Variants in EVI5 observed in about 807,000 individuals in gnomAD.
EVI5 encodes ecotropic viral integration site 5, also known as ecotropic viral integration site 5 protein homolog.
Under a neutral mutation model 112.0 loss-of-function variants are expected in EVI5, and 73 were observed. That is an observed-to-expected ratio of 0.65 (90% CI 0.54 to 0.79). The LOEUF is 0.79. Among genes scored for constraint, EVI5 ranks in the 30% least tolerant of loss-of-function variants. The pLI is 0.00. For synonymous variants in EVI5, 305 were observed against 319.9 expected, an observed-to-expected ratio of 0.95 and a Z score of 0.50; for missense variants, 900 against 968.8, an observed-to-expected ratio of 0.93 and a Z score of 0.94.
At chr1:92,637,703 C>T (rs1033344734) in intron 13 of EVI5, among the ~76,000 whole-genome samples, 3 of 152,148 alleles carry the variant, frequency 2.0e-5, no homozygotes, top group Non-Finnish European at 4.4e-5. Flanking sequence ...AAACAATCTT[C>T]TACTGAACTA....
intron 1 of EVI5, 76 bp downstream of exon 1, chr1:92,784,760 G>A (rs1454878477): frequency 5.2e-6 from 5 of 953,594 alleles, no homozygotes; most frequent in Non-Finnish European, 6.2e-6. Flanking sequence ...CCTCGGCCCA[G>A]CTGTGCGCCA....
At chr1:92,672,871 T>C (rs932662974) in intron 10 of EVI5, among the ~76,000 whole-genome samples, 7 of 152,180 alleles carry the variant, frequency 4.6e-5, no homozygotes, top group African/African-American at 1.4e-4. Context: ...AAAGTCTCTC[T>C]TGGAAAGCAG....
intron 9 of EVI5, among the ~76,000 whole-genome samples, chr1:92,689,683 T>C (rs1311822670): frequency 6.6e-6 from 1 of 152,130 alleles, no homozygotes; most frequent in Admixed American, 6.5e-5. Flanking sequence ...TAAGAACTCT[T>C]ACACTGCCGG....
rs531868765 is a variant in EVI5 at position 92,637,633 on chromosome 1, C to A, written c.1393-1297G>T. ...CTAAAATAAATTGTCTATCACTTCA[C>A]ATTTAATTTATGTAGTAAAGAAAAT... On this transcript the variant is annotated intron_variant, in intron 13 of 19. Transcript: ENST00000684568. 2.0e-5 allele frequency among the ~76,000 whole-genome samples: 3 copies of A among 152,258 alleles called. No homozygotes were observed. In the East Asian group the frequency reaches 5.8e-4, roughly 29 times the overall value.
chr1:92,628,849 A>G (rs1656269179), intron 14 of EVI5, among the ~76,000 whole-genome samples: 1 of 152,228 alleles, frequency 6.6e-6, no homozygotes, highest in Admixed American at 6.5e-5. Context: ...CTTATAATGG[A>G]CTTTAAATAT....
chr1:92,517,430 T>G (rs775261401), intron 19 of EVI5, among the ~76,000 whole-genome samples: 10 of 152,226 alleles, frequency 6.6e-5, no homozygotes, highest in Non-Finnish European at 1.2e-4. Flanking sequence ...GGGATGACAG[T>G]GCTCTAAACT....
At chr1:92,613,220 G>A (rs939516271) in intron 16 of EVI5, among the ~76,000 whole-genome samples, 7 of 152,176 alleles carry the variant, frequency 4.6e-5, no homozygotes, top group African/African-American at 1.7e-4. Context: ...TCTGGGGTGG[G>A]CAGGAGCACT....
chr1:92,786,127 G>A (rs1402500938), upstream of EVI5, among the ~76,000 whole-genome samples: 1 of 150,106 alleles, frequency 6.7e-6, no homozygotes, highest in Non-Finnish European at 1.5e-5. Flanking sequence ...ATAATTAGCA[G>A]CACAAGAAAC....
At chr1:92,640,275 A>G (rs1320871603) in intron 13 of EVI5, among the ~76,000 whole-genome samples, 2 of 152,202 alleles carry the variant, frequency 1.3e-5, no homozygotes, top group Non-Finnish European at 2.9e-5. Flanking sequence ...GATCTAATTA[A>G]AGAGCTTCTG....
intron 13 of EVI5, among the ~76,000 whole-genome samples, chr1:92,657,209 C>A (rs930231614): frequency 6.6e-5 from 10 of 152,096 alleles, no homozygotes; most frequent in African/African-American, 2.4e-4. Flanking sequence ...TGCAGGGATG[C>A]AAGGATGGTT....
chr1:92,649,403 C>A (rs1355320376), intron 13 of EVI5, among the ~76,000 whole-genome samples: 1 of 152,204 alleles, frequency 6.6e-6, no homozygotes, highest in Non-Finnish European at 1.5e-5. Context: ...GTTGCTCATG[C>A]CTTTGGTGCC....
At chr1:92,691,324 C>T (rs1234369871) in intron 9 of EVI5, among the ~76,000 whole-genome samples, 3 of 151,498 alleles carry the variant, frequency 2.0e-5, no homozygotes, top group East Asian at 1.9e-4. Flanking sequence ...CTGAGCTTTA[C>T]TTTGAAAAAA....
intron 19 of EVI5, among the ~76,000 whole-genome samples, chr1:92,561,243 A>C (rs956807918): frequency 1.3e-5 from 2 of 152,074 alleles, no homozygotes; most frequent in African/African-American, 4.8e-5. Context: ...TTTTTCTCCC[A>C]AAATTGTAGT....
intron 9 of EVI5, among the ~76,000 whole-genome samples, chr1:92,685,098 A>C (rs1046113936): frequency 6.6e-6 from 1 of 152,094 alleles, no homozygotes; most frequent in African/African-American, 2.4e-5. Context: ...TCAACAGAAT[A>C]TACATTCTTC....
chr1:92,526,483 A>C (rs1661902846), intron 19 of EVI5, among the ~76,000 whole-genome samples: 1 of 152,234 alleles, frequency 6.6e-6, no homozygotes, highest in African/African-American at 2.4e-5. Context: ...AGAGCTGTTA[A>C]GCAGTTTAAT....
chr1:92,562,538 A>T (rs570235529), intron 19 of EVI5, among the ~76,000 whole-genome samples: 1 of 152,312 alleles, frequency 6.6e-6, no homozygotes, highest in South Asian at 2.1e-4. Flanking sequence ...TAAAAAAAAA[A>T]ATTATAATAA....
At chr1:92,616,570 C>T (rs1377648530) in intron 16 of EVI5, among the ~76,000 whole-genome samples, 4 of 152,046 alleles carry the variant, frequency 2.6e-5, no homozygotes, top group Non-Finnish European at 5.9e-5. Context: ...TTAATTTATA[C>T]AAGCAGAAAA....
chr1:92,699,786 A>G (rs1214055239), intron 5 of EVI5, among the ~76,000 whole-genome samples: 2 of 152,068 alleles, frequency 1.3e-5, no homozygotes, highest in Non-Finnish European at 2.9e-5. Flanking sequence ...ATAGGGTATT[A>G]TAATCTTATG....
At chr1:92,574,777 A>G (rs902116047) in intron 18 of EVI5, among the ~76,000 whole-genome samples, 1 of 152,186 alleles carries the variant, frequency 6.6e-6, no homozygotes, top group African/African-American at 2.4e-5. Flanking sequence ...AACATACAAT[A>G]AACTGTTTAT....
Sources: allele counts gnomAD v4.1 joint callset (sites outside exome capture counted in the v4.1 genomes callset), GRCh38; gene constraint gnomAD v4.1.1; transcripts MANE v1.5; gene names NCBI Gene and HGNC (gene_info 2026-07-23, HGNC 2026-07-21).